NPAS3: variants seen among roughly 807,000 people sequenced by gnomAD.
The protein encoded by NPAS3 is neuronal PAS domain protein 3.
A neutral mutation model predicts 73.1 loss-of-function variants in NPAS3; 14 were observed. The ratio of observed to expected loss-of-function variants is 0.19; its 90% CI spans 0.13 to 0.30. The LOEUF is 0.30. NPAS3 is among the 10% of genes least tolerant of loss of function. The pLI is 1.00. For missense variants in NPAS3, 1,096 were observed against 1,250.0 expected, an observed-to-expected ratio of 0.88 and a Z score of 1.86; for synonymous variants, 620 against 541.5, an observed-to-expected ratio of 1.14 and a Z score of -2.01.
intron 3 of NPAS3, among the ~76,000 whole-genome samples, chr14:33,308,515 T>C (rs1170529002): frequency 2.1e-5 from 1 of 48,110 alleles, no homozygotes; most frequent in South Asian, 3.4e-4. Flanking sequence ...ATAGTTTATA[T>C]ATATATATAT....
intron 1 of NPAS3, among the ~76,000 whole-genome samples, chr14:32,954,941 T>A (rs769553599): frequency 6.6e-6 from 1 of 152,230 alleles, no homozygotes; most frequent in Non-Finnish European, 1.5e-5. Flanking sequence ...ACTGTAGTTC[T>A]ATTTCCTGCA....
At chr14:33,279,636 C>T (rs1174046200) in intron 3 of NPAS3, among the ~76,000 whole-genome samples, 1 of 152,112 alleles carries the variant, frequency 6.6e-6, no homozygotes, top group East Asian at 1.9e-4. Context: ...TGATTCCTAT[C>T]ACCTTTTCAC....
chr14:33,390,337 T>C (rs943128347), intron 4 of NPAS3, among the ~76,000 whole-genome samples: 1 of 152,112 alleles, frequency 6.6e-6, no homozygotes, highest in Non-Finnish European at 1.5e-5. Context: ...GAAAGAGTGC[T>C]GCCTCCCTGC....
intron 2 of NPAS3, among the ~76,000 whole-genome samples, chr14:33,169,751 G>A (rs1368289117): frequency 6.6e-6 from 1 of 152,172 alleles, no homozygotes; most frequent in Non-Finnish European, 1.5e-5. Flanking sequence ...TTTTCAAAAT[G>A]CTGTTTTGCT....
intron 2 of NPAS3, among the ~76,000 whole-genome samples, chr14:33,094,743 G>C (rs1461726525): frequency 1.3e-5 from 2 of 152,166 alleles, no homozygotes; most frequent in Admixed American, 6.5e-5. Context: ...TGGGATTACA[G>C]ATGTGAGCCA....
At chr14:33,170,973 T>C (rs1441470835) in intron 2 of NPAS3, among the ~76,000 whole-genome samples, 2 of 152,236 alleles carry the variant, frequency 1.3e-5, no homozygotes, top group African/African-American at 2.4e-5. Context: ...CAGAAGGTTT[T>C]CAACTGACTT....
At chr14:33,120,055 G>A (rs901008963) in intron 2 of NPAS3, among the ~76,000 whole-genome samples, 1 of 151,948 alleles carries the variant, frequency 6.6e-6, no homozygotes, top group Admixed American at 6.6e-5. Context: ...CCCAGGTTGG[G>A]TTCAAGTGAT....
At chr14:33,117,530 A>T (rs184464746) in intron 2 of NPAS3, among the ~76,000 whole-genome samples, 1 of 152,112 alleles carries the variant, frequency 6.6e-6, no homozygotes, top group East Asian at 1.9e-4. Flanking sequence ...GTGTCTTGCT[A>T]TGGCGATTTA....
intron 4 of NPAS3, among the ~76,000 whole-genome samples, chr14:33,500,423 C>T (rs2052455506): frequency 1.3e-5 from 2 of 151,726 alleles, no homozygotes; most frequent in African/African-American, 4.8e-5. Context: ...TTCCCAAGTC[C>T]GATCAGTGCA....
intron 2 of NPAS3, among the ~76,000 whole-genome samples, chr14:33,194,318 CTT>C (rs1172780870): frequency 6.6e-6 from 1 of 152,140 alleles, no homozygotes; most frequent in African/African-American, 2.4e-5. Flanking sequence ...CTTTTGTACT[CTT>C]TTCCATCTAA....
chr14:33,759,742 T>C (rs1281538702), intron 7 of NPAS3, among the ~76,000 whole-genome samples: 1 of 152,236 alleles, frequency 6.6e-6, no homozygotes, highest in Admixed American at 6.5e-5. Context: ...CTGCTACTGG[T>C]TGTCTTTAGT....
chr14:33,254,335 T>C (rs2048699225), intron 3 of NPAS3, among the ~76,000 whole-genome samples: 1 of 152,118 alleles, frequency 6.6e-6, no homozygotes, highest in South Asian at 2.1e-4. Flanking sequence ...AATGCTACCT[T>C]CTCTTACCTC....
At chr14:33,175,430 T>C (rs1415969222) in intron 2 of NPAS3, among the ~76,000 whole-genome samples, 2 of 152,210 alleles carry the variant, frequency 1.3e-5, no homozygotes, top group African/African-American at 4.8e-5. Flanking sequence ...GCAGAGAATT[T>C]TTTTAGGAAG....
At chr14:33,150,007 A>C (rs1408700381) in intron 2 of NPAS3, among the ~76,000 whole-genome samples, 1 of 151,452 alleles carries the variant, frequency 6.6e-6, no homozygotes, top group Non-Finnish European at 1.5e-5. Context: ...TCATTGTTCA[A>C]CTCCCATTTA....
At chr14:33,640,081 G>A (rs1218439947) in intron 5 of NPAS3, among the ~76,000 whole-genome samples, 2 of 152,082 alleles carry the variant, frequency 1.3e-5, no homozygotes, top group Non-Finnish European at 2.9e-5. Context: ...GCCAGGCATG[G>A]TGGTGTACGT....
At chr14:33,383,462 AG>A (rs2046645566) in intron 4 of NPAS3, among the ~76,000 whole-genome samples, 1 of 152,198 alleles carries the variant, frequency 6.6e-6, no homozygotes. Flanking sequence ...GGCTCCTAGT[AG>A]GGTTAATGCA....
At chr14:33,461,710 T>A (rs1484268508) in intron 4 of NPAS3, among the ~76,000 whole-genome samples, 1 of 152,214 alleles carries the variant, frequency 6.6e-6, no homozygotes, top group Non-Finnish European at 1.5e-5. Flanking sequence ...GCACTTAGTA[T>A]CCAATGATAA....
intron 2 of NPAS3, among the ~76,000 whole-genome samples, chr14:33,149,265 GCCT>G (rs1595554024): frequency 6.6e-6 from 1 of 152,316 alleles, no homozygotes; most frequent in East Asian, 1.9e-4. Context: ...TACGCTTTGT[GCCT>G]CCTCTTGTTA....
chr14:33,679,088 C>G (rs1481795293), intron 6 of NPAS3, among the ~76,000 whole-genome samples: 1 of 152,124 alleles, frequency 6.6e-6, no homozygotes, highest in Non-Finnish European at 1.5e-5. Context: ...CTTCACCAGC[C>G]TTCCTTTAGC....
Sources: allele counts gnomAD v4.1 joint callset (sites outside exome capture counted in the v4.1 genomes callset), GRCh38; gene constraint gnomAD v4.1.1; transcripts MANE v1.5; gene names NCBI Gene and HGNC (gene_info 2026-07-23, HGNC 2026-07-21).